Variants in CDH6 observed in about 807,000 individuals in gnomAD.
The protein encoded by CDH6 is cadherin 6.
Under a neutral mutation model 78.0 loss-of-function variants are expected in CDH6, and 31 were observed. The ratio of observed to expected loss-of-function variants is 0.40; its 90% CI spans 0.30 to 0.54. The LOEUF (loss-of-function observed/expected upper bound fraction) is 0.54. Ranked by LOEUF, CDH6 falls within the 20% of genes least tolerant of loss-of-function variation. The pLI is 0.56. For missense variants in CDH6, 724 were observed against 975.9 expected, an observed-to-expected ratio of 0.74 and a Z score of 3.44; for synonymous variants, 376 against 368.8, an observed-to-expected ratio of 1.02 and a Z score of -0.23.
intron 8 of CDH6, among the ~76,000 whole-genome samples, chr5:31,314,342 A>G (rs1017367758): frequency 7.4e-5 from 10 of 135,174 alleles, no homozygotes; most frequent in Admixed American, 5.1e-4. Context: ...TAGAATTTCA[A>G]TGTTTAAAAC....
intron 1 of CDH6, among the ~76,000 whole-genome samples, chr5:31,195,854 T>A (rs1439162810): frequency 1.3e-5 from 2 of 152,232 alleles, no homozygotes; most frequent in Non-Finnish European, 1.5e-5. Flanking sequence ...GCCATACTTT[T>A]GAAGCAGAGG....
chr5:31,222,943 T>C (rs1286156443), intron 1 of CDH6, among the ~76,000 whole-genome samples: 1 of 152,150 alleles, frequency 6.6e-6, no homozygotes, highest in Non-Finnish European at 1.5e-5. Context: ...TTTGAGACGG[T>C]GAACTCATTT....
At chr5:31,285,368 C>T (rs151108594) in intron 2 of CDH6, among the ~76,000 whole-genome samples, 135 of 152,322 alleles carry the variant, frequency 8.9e-4, no homozygotes, top group African/African-American at 3.2e-3. Flanking sequence ...AGAGCTTTCA[C>T]ATTCCCTGAT....
chr5:31,214,413 T>C (rs1346776605), intron 1 of CDH6, among the ~76,000 whole-genome samples: 1 of 152,138 alleles, frequency 6.6e-6, no homozygotes, highest in Non-Finnish European at 1.5e-5. Flanking sequence ...AACTAGGGGA[T>C]TTGGATGAGG....
rs1166639928 is a variant in CDH6 at position 31,269,298 on chromosome 5, A to T, written c.228+1597A>T. ...AAAAAAAAAGCGGGGGGGGCAGGTT[A>T]TTTCAGGATACTAGAAACAGCAGTG... On this transcript the variant is annotated intron_variant, in intron 2 of 11. Transcript: ENST00000265071. Among the ~76,000 whole-genome samples, 3 of 148,544 alleles carry T rather than the reference A, an allele frequency of 2.0e-5. No homozygotes were observed. The East Asian group carries it at 5.9e-4, about 29-fold the overall frequency.
At chr5:31,297,182 T>C (rs1038574666) in intron 3 of CDH6, 107 bp from the exon 4 acceptor site, 5 of 963,034 alleles carry the variant, frequency 5.2e-6, no homozygotes, top group Admixed American at 2.0e-5. Context: ...CTCGACTTCC[T>C]CAGCATGATA....
At chr5:31,288,494 C>T (rs1743068991) in intron 2 of CDH6, among the ~76,000 whole-genome samples, 1 of 152,136 alleles carries the variant, frequency 6.6e-6, no homozygotes, top group Non-Finnish European at 1.5e-5. Context: ...TTTTCCCAGC[C>T]TTCACAACAC....
chr5:31,223,347 A>C (rs1347744877), intron 1 of CDH6, among the ~76,000 whole-genome samples: 1 of 152,166 alleles, frequency 6.6e-6, no homozygotes, highest in Non-Finnish European at 1.5e-5. Context: ...TTTCTCCTTG[A>C]AGAATTTGTT....
At chr5:31,229,647 C>T (rs1048780329) in intron 1 of CDH6, among the ~76,000 whole-genome samples, 10 of 152,114 alleles carry the variant, frequency 6.6e-5, no homozygotes, top group Admixed American at 3.3e-4. Context: ...CAAGAAACTC[C>T]GGAGTCCCAC....
In CDH6 at chr5:31,326,627, G is replaced by A. The variant is rs190884908; in HGVS notation, c.*3319G>A. ...TTAATTTTAACGCAGTATAAAAAAC[G>A]TGTGGTTTAGTTTTTATTTTCAGCT... On this transcript the variant is annotated 3_prime_UTR_variant, in exon 12 of 12. Coordinates refer to ENST00000265071, the MANE Select transcript of CDH6 (RefSeq NM_004932.4). 5.7e-6 allele frequency: 1 copy of A among 176,600 alleles called. No individual in the cohort carries two copies. The highest frequency in any genetic ancestry group is 1.2e-5 in the Non-Finnish European group (1 of 83,156). 10.9% of individuals were successfully genotyped at this position (176,600 alleles called of 1,614,324 possible). A position where few individuals can be genotyped will look rare whatever the true frequency, so the allele number is the denominator to read the frequency against.
rs562828086 is a variant in CDH6, at chr5:31,203,650, A to G, written c.-129+9764A>G. 2.9e-3 allele frequency among the ~76,000 whole-genome samples: 439 copies of G among 151,530 alleles called. 3 individuals are homozygous for G. The highest frequency in any genetic ancestry group is 0.01 in the African/African-American group (420 of 41,198). On this transcript the variant is annotated intron_variant, in intron 1 of 11. Transcript: ENST00000265071. ...ATTTTCTTAATCCAGTCTATCATTG[A>G]TGGACATTTGGGTTGGTTCCAAGTC...
chr5:31,281,163 G>A (rs912682448), intron 2 of CDH6, among the ~76,000 whole-genome samples: 17 of 152,138 alleles, frequency 1.1e-4, no homozygotes, highest in Non-Finnish European at 2.2e-4. Context: ...TACCTTTCAG[G>A]AAGAACATGT....
chr5:31,295,883 T>C (rs186533424), intron 3 of CDH6, among the ~76,000 whole-genome samples: 35 of 152,326 alleles, frequency 2.3e-4, no homozygotes, highest in African/African-American at 6.7e-4. Context: ...TGGCAACGAA[T>C]AGACATTTAA....
chr5:31,242,070 T>G (rs574057386), intron 1 of CDH6, among the ~76,000 whole-genome samples: 1 of 152,300 alleles, frequency 6.6e-6, no homozygotes, highest in East Asian at 1.9e-4. Flanking sequence ...TTTGGCCCAG[T>G]AGCCTGCAGA....
chr5:31,262,449 T>C (rs1006206362), intron 1 of CDH6, among the ~76,000 whole-genome samples: 3 of 152,152 alleles, frequency 2.0e-5, no homozygotes, highest in Admixed American at 1.3e-4. Flanking sequence ...AAATAGAAAG[T>C]TCCTCACAAA....
At chr5:31,236,907 G>C (rs1324560747) in intron 1 of CDH6, among the ~76,000 whole-genome samples, 1 of 152,098 alleles carries the variant, frequency 6.6e-6, no homozygotes, top group Non-Finnish European at 1.5e-5. Context: ...CAGATGCTTG[G>C]GGAGTGCTGT....
In CDH6 at chr5:31,200,055, G is replaced by A. The variant is rs191606850; in HGVS notation, c.-129+6169G>A. 4.9e-3 allele frequency among the ~76,000 whole-genome samples: 740 copies of A among 152,094 alleles called. 1 individual carries two copies. Among genetic ancestry groups the A allele is most frequent in the Middle Eastern group, 0.01 (3 of 294 alleles). ...GAACTACAGAGCAGCAGAGGGCATG[G>A]GAATGATTTGATTATTTTGACCAGA... On this transcript the variant is annotated intron_variant, in intron 1 of 11. Transcript: ENST00000265071.
At position 31,313,330 on chromosome 5, in the gene CDH6, T is replaced by C; in HGVS notation, c.1266T>C (p.Asp422=). The C allele has an allele frequency of 1.2e-6, 2 of 1,613,380 alleles. No homozygotes were observed. The highest frequency in any genetic ancestry group is 1.7e-6 in the Non-Finnish European group (2 of 1,179,404). ...AARNPVKYSV[D]RHTDMDRIFN... is the part of the protein sequence containing the mutation. Reference sequence around the variant, plus strand: ...TCTGCATTTTCAGGTACTCTGTAGATCGACACACAGATATGGACAGAATAT... The same window carrying C: ...TCTGCATTTTCAGGTACTCTGTAGACCGACACACAGATATGGACAGAATAT... Residue 422 remains aspartate (D), a synonymous_variant, in exon 8 of 12, where the codon GAT becomes GAC. Transcript: ENST00000265071.
Position 31,199,683 on chromosome 5 carries a change from G to GTATATATATATA in CDH6, c.-129+5798_-129+5799insATATATATATAT, listed in dbSNP as rs1369706220. ...TGTGTGTGTGTATGTGTGTGTGTGTGTGTATATATATATATATATATATAT... is the reference window on the plus strand; with the variant it reads ...TGTGTGTGTGTATGTGTGTGTGTGTGTATATATATATATGTATATATATATATATATATATAT... On this transcript the variant is annotated intron_variant, in intron 1 of 11. Transcript: ENST00000265071. Among the ~76,000 whole-genome samples the GTATATATATATA allele has an allele frequency of 7.4e-4, 44 of 59,664 alleles. No individual in the cohort carries two copies. The South Asian group carries it at 8.0e-3, about 11-fold the overall frequency. 39.1% of individuals were successfully genotyped at this position (59,664 alleles called of 152,430 possible).
Sources: gnomAD v4.1 joint callset for allele counts (sites outside exome capture counted in the v4.1 genomes callset) on GRCh38, gnomAD v4.1.1 for gene constraint, MANE v1.5 for transcripts, NCBI Gene and HGNC (gene_info 2026-07-23, HGNC 2026-07-21) for gene names.